Variants in IDO1 observed in about 807,000 individuals in gnomAD.
The protein encoded by IDO1 is indolamine 2,3 dioxygenase.
In IDO1, 35 loss-of-function variants were observed where a neutral mutation model predicts 38.8. The observed-to-expected ratio is 0.90, with a 90% CI of 0.69 to 1.20. IDO1 has a LOEUF of 1.20. IDO1 is among the 50% of genes most tolerant of loss of function. The probability of loss-of-function intolerance (pLI) is 0.00; values close to 1 mark genes in which losing one functional copy is unlikely to be tolerated. For synonymous variants in IDO1, 171 were observed against 170.0 expected, an observed-to-expected ratio of 1.01 and a Z score of -0.05; for missense variants, 509 against 485.1, an observed-to-expected ratio of 1.05 and a Z score of -0.46.
chr8:39,915,358 T>C (rs1294544033), intron 1 of IDO1, among the ~76,000 whole-genome samples: 1 of 152,208 alleles, frequency 6.6e-6, no homozygotes, highest in Non-Finnish European at 1.5e-5. Context: ...GTATTTTTGT[T>C]TGTAGCTCAA....
chr8:39,922,724 A>T (rs1246215374), intron 6 of IDO1, 73 bp downstream of exon 6: 1 of 927,662 alleles, frequency 1.1e-6, no homozygotes, highest in Non-Finnish European at 1.8e-6. Context: ...AGCCTAAACT[A>T]TACTAAGCAT....
intron 1 of IDO1, among the ~76,000 whole-genome samples, chr8:39,916,686 A>G (rs1354198564): frequency 6.6e-6 from 1 of 152,242 alleles, no homozygotes; most frequent in Non-Finnish European, 1.5e-5. Context: ...TTCTGATTCC[A>G]TATAGATAGA....
chr8:39,917,062 G>A (rs1313320878), intron 1 of IDO1, among the ~76,000 whole-genome samples: 4 of 152,156 alleles, frequency 2.6e-5, no homozygotes, highest in African/African-American at 7.2e-5. Flanking sequence ...ATGATACAGA[G>A]ATAACTTCTT....
In IDO1 at chr8:39,928,305, A is replaced by G. The variant is rs1807398778; in HGVS notation, c.*120A>G. The G allele has an allele frequency of 1.5e-6, 1 of 656,888 alleles. No homozygotes were observed. The highest frequency in any genetic ancestry group is 2.5e-6 in the Non-Finnish European group (1 of 395,122). 40.7% of individuals were successfully genotyped at this position (656,888 alleles called of 1,614,324 possible). On this transcript the variant is annotated 3_prime_UTR_variant, in exon 10 of 10. Transcript: ENST00000518237. Reference sequence around the variant, plus strand: ...CAATGTTTTACCAATAATGCAATACAAAAGACCTCAAAATACCTGTGCATT... The same window carrying G: ...CAATGTTTTACCAATAATGCAATACGAAAGACCTCAAAATACCTGTGCATT...
intron 1 of IDO1, among the ~76,000 whole-genome samples, chr8:39,914,430 CAT>C (rs1458459027): frequency 3.9e-5 from 6 of 152,120 alleles, no homozygotes; most frequent in Admixed American, 6.6e-5. Flanking sequence ...TTATGCAAAA[CAT>C]GTGTTTCTAA....
chr8:39,924,881 C>A, intron 8 of IDO1, 109 bp downstream of exon 8: 2 of 802,528 alleles, frequency 2.5e-6, no homozygotes, highest in Non-Finnish European at 4.3e-6. Flanking sequence ...AATTTACATC[C>A]AAAAATTCAC....
At chr8:39,923,003 T>C (rs1277890717) in intron 6 of IDO1, 1 of 223,864 alleles carries the variant, frequency 4.5e-6, no homozygotes, top group Non-Finnish European at 8.8e-6. Flanking sequence ...AAATGCTATG[T>C]GAATAAAAAC....
Position 39,925,302 on chromosome 8 carries a change from A to G in IDO1, c.787A>G (p.Ser263Gly). 6.2e-7 allele frequency: 1 copy of G among 1,613,252 alleles called. No individual in the cohort carries two copies. The highest frequency in any genetic ancestry group is 1.1e-5 in the South Asian group (1 of 90,918). The part of the protein sequence containing the change: ...WEDPKEFAGG[S>G]AGQSSVFQCF... ...AGACCCAAAGGAGTTTGCAGGGGGC[A>G]GTGCAGGCCAAAGCAGCGTCTTTCA... The change falls in exon 9 of 10, where the codon AGT (serine) becomes GGT (glycine). Residue 263 changes from serine (S) to glycine (G), a missense_variant. Physicochemically the swap from Ser to Gly is moderately conservative, Grantham distance 56. Transcript: ENST00000518237.
Position 39,918,901 on chromosome 8 carries a change from C to T in IDO1, c.390C>T (p.Val130=). Reference sequence around the variant, plus strand: ...CTATTTTGGTTTATGCAGACTGTGTCTTGGCAAACTGGAAGAAAAAGGATC... The same window carrying T: ...CTATTTTGGTTTATGCAGACTGTGTTTTGGCAAACTGGAAGAAAAAGGATC... ...LPPILVYADC[V]LANWKKKDPN... The change falls in exon 4 of 10, where the codon GTC becomes GTT. Residue 130 remains valine, a synonymous_variant. Coordinates refer to ENST00000518237, the MANE Select transcript of IDO1 (RefSeq NM_002164.6). 6.2e-7 allele frequency: 1 copy of T among 1,607,800 alleles called. No homozygotes were observed. The highest frequency in any genetic ancestry group is 8.5e-7 in the Non-Finnish European group (1 of 1,174,380).
At chr8:39,916,395 T>C (rs1333043221) in intron 1 of IDO1, among the ~76,000 whole-genome samples, 2 of 151,548 alleles carry the variant, frequency 1.3e-5, no homozygotes, top group South Asian at 4.2e-4. Context: ...GGAGAATTGT[T>C]TGAACCTGGG....
Position 39,922,517 on chromosome 8 carries a change from C to T in IDO1, c.438-35C>T, listed in dbSNP as rs540748879. The stretch of plus-strand genomic sequence containing the variant: ...GTCAAAAAATATCCCATAATTTTTG[C>T]TAAACTTCTTGCCTTCCTTATCCAA... On this transcript the variant is annotated intron_variant, in intron 5 of 9. Transcript: ENST00000518237. 7.2e-6 allele frequency: 10 copies of T among 1,386,164 alleles called. No individual in the cohort carries two copies. The Admixed American group carries it at 1.7e-4, about 24-fold the overall frequency. The allele number at this position is 1,386,164 out of a possible 1,614,324, so 85.9% of individuals were successfully genotyped here.
intron 9 of IDO1, among the ~76,000 whole-genome samples, chr8:39,927,253 A>C (rs1384120855): frequency 6.6e-6 from 1 of 152,132 alleles, no homozygotes; most frequent in South Asian, 2.1e-4. Flanking sequence ...TTACAGTAGA[A>C]AAGAGAGAAA....
rs753774898 is a variant in IDO1 at position 39,922,607 on chromosome 8, C to T, written c.493C>T (p.Leu165=). ...RDGDCSKGFF[L]VSLLVEIAAA... is the part of the protein sequence containing the mutation. The stretch of plus-strand genomic sequence containing the variant: ...TGGAGACTGCAGTAAAGGATTCTTC[C>T]TGGTCTCTCTATTGGTGGAAATAGC... The change falls in exon 6 of 10, where the codon CTG becomes TTG. Residue 165 remains leucine, a synonymous_variant. Transcript: ENST00000518237. The T allele has an allele frequency of 6.2e-7, 1 of 1,613,516 alleles. No homozygotes were observed. Among genetic ancestry groups the T allele is most frequent in the South Asian group, 1.1e-5 (1 of 91,074 alleles).
At chr8:39,924,476 T>C (rs1202590655) in intron 7 of IDO1, among the ~76,000 whole-genome samples, 2 of 152,148 alleles carry the variant, frequency 1.3e-5, no homozygotes, top group Admixed American at 1.3e-4. Flanking sequence ...ATGTAAACAG[T>C]TTACTTGTTA....
chr8:39,920,430 A>G (rs879798647), intron 5 of IDO1, among the ~76,000 whole-genome samples: 4 of 152,256 alleles, frequency 2.6e-5, no homozygotes, highest in Non-Finnish European at 4.4e-5. Context: ...TCCCATGTCC[A>G]TAACTAGTTA....
At chr8:39,924,602 CTGACCTAA>C in intron 7 of IDO1, 111 bp from the exon 8 acceptor site, 1 of 689,392 alleles carries the variant, frequency 1.5e-6, no homozygotes. Context: ...TTAGCATAGA[CTGACCTAA>C]TGCCTTTTCC....
chr8:39,919,561 G>A (rs2129592220), intron 4 of IDO1, among the ~76,000 whole-genome samples: 1 of 152,210 alleles, frequency 6.6e-6, no homozygotes, highest in South Asian at 2.1e-4. Flanking sequence ...TAAAGGAAAG[G>A]GAGAACCAAA....
chr8:39,927,643 T>C (rs1807386981), intron 9 of IDO1, among the ~76,000 whole-genome samples, 187 bp from the exon 10 acceptor site: 1 of 151,944 alleles, frequency 6.6e-6, no homozygotes, highest in African/African-American at 2.4e-5. Flanking sequence ...ATTAATAATA[T>C]TTTACAATAA....
At position 39,925,365 on chromosome 8, in the gene IDO1, G is replaced by A. The variant is rs1291020757; in HGVS notation, c.850G>A (p.Gly284Ser). The A allele has an allele frequency of 2.5e-6, 4 of 1,611,050 alleles. No individual in the cohort carries two copies. The highest frequency in any genetic ancestry group is 1.3e-5 in the African/African-American group (1 of 74,782). ...DVLLGIQQTAGGGHAAQFLQD... is the reference protein window; with the variant it reads ...DVLLGIQQTASGGHAAQFLQD... ...CCTGCTGGGCATCCAGCAGACTGCTGGTGGAGGTGAGTGGAAAATAACAAG... is the reference window on the plus strand; with the variant it reads ...CCTGCTGGGCATCCAGCAGACTGCTAGTGGAGGTGAGTGGAAAATAACAAG... The change falls in exon 9 of 10, where the codon GGT (glycine) becomes AGT (serine). Residue 284 changes from glycine (G) to serine (S), a missense_variant. Coordinates refer to ENST00000518237, the MANE Select transcript of IDO1 (RefSeq NM_002164.6).
Sources: allele counts gnomAD v4.1 joint callset (sites outside exome capture counted in the v4.1 genomes callset), GRCh38; gene constraint gnomAD v4.1.1; transcripts MANE v1.5; gene names NCBI Gene and HGNC (gene_info 2026-07-23, HGNC 2026-07-21).